Variants in PRR16 observed in about 807,000 individuals in gnomAD.
The protein encoded by PRR16 is proline rich 16.
PRR16 carries 6 observed loss-of-function variants against 18.2 expected under a neutral mutation model. The ratio of observed to expected loss-of-function variants is 0.33; its 90% CI spans 0.18 to 0.65. The LOEUF (loss-of-function observed/expected upper bound fraction) is 0.65, where lower values mean the gene tolerates loss of function less well. PRR16 is among the 30% of genes least tolerant of loss of function. The pLI, the probability that PRR16 is intolerant of heterozygous loss-of-function variation, is 0.74. For missense variants in PRR16, 412 were observed against 376.6 expected, an observed-to-expected ratio of 1.09 and a Z score of -0.78; for synonymous variants, 151 against 147.8, an observed-to-expected ratio of 1.02 and a Z score of -0.16.
intron 1 of PRR16, among the ~76,000 whole-genome samples, chr5:120,617,969 A>G (rs1754569954): frequency 6.6e-6 from 1 of 151,976 alleles, no homozygotes; most frequent in Admixed American, 6.6e-5. Flanking sequence ...TGGTCTCAGT[A>G]TTTTTCTGCA....
At chr5:120,526,894 A>G (rs1256640710) in intron 1 of PRR16, among the ~76,000 whole-genome samples, 1 of 152,082 alleles carries the variant, frequency 6.6e-6, no homozygotes, top group Non-Finnish European at 1.5e-5. Context: ...CAGCCCCTCC[A>G]TAAATGGTTT....
chr5:120,524,121 A>G (rs1453825187), intron 1 of PRR16, among the ~76,000 whole-genome samples: 1 of 152,162 alleles, frequency 6.6e-6, no homozygotes, highest in Non-Finnish European at 1.5e-5. Context: ...AAGTTTATGT[A>G]AACTCCTCAG....
chr5:120,544,182 C>A (rs891609395), intron 1 of PRR16, among the ~76,000 whole-genome samples: 11 of 152,074 alleles, frequency 7.2e-5, no homozygotes, highest in African/African-American at 2.7e-4. Context: ...CCCAGAGAAT[C>A]CATGCTCTTT....
At chr5:120,716,463 C>T in the PRR16 span, among the ~76,000 whole-genome samples, 44 of 152,214 alleles carry the variant, frequency 2.9e-4, no homozygotes, top group Middle Eastern at 3.4e-3. Context: ...TCTTTCCTAC[C>T]CCAGCTGTTT....
the PRR16 span, among the ~76,000 whole-genome samples, chr5:120,713,581 T>G: frequency 6.6e-6 from 1 of 152,182 alleles, no homozygotes; most frequent in Non-Finnish European, 1.5e-5. Flanking sequence ...ACTTGTGTGA[T>G]TAAACCATTC....
intron 1 of PRR16, among the ~76,000 whole-genome samples, chr5:120,465,025 C>T (rs999815621): frequency 1.2e-4 from 19 of 152,088 alleles, no homozygotes; most frequent in Admixed American, 1.2e-3. Flanking sequence ...CCTATTGCTT[C>T]CCCAGAGTCC....
chr5:120,630,356 T>C (rs758348512), intron 1 of PRR16, among the ~76,000 whole-genome samples: 5 of 152,118 alleles, frequency 3.3e-5, no homozygotes, highest in Non-Finnish European at 5.9e-5. Context: ...GGGCTGACTT[T>C]CCGGCACAGT....
chr5:120,722,062 C>T, the PRR16 span, among the ~76,000 whole-genome samples: 5 of 152,052 alleles, frequency 3.3e-5, no homozygotes, highest in East Asian at 9.8e-4. Flanking sequence ...TGTGGTGTTC[C>T]CCTCCCTGTT....
the PRR16 span, among the ~76,000 whole-genome samples, chr5:120,737,315 T>G: frequency 1.9e-4 from 13 of 67,202 alleles, no homozygotes; most frequent in Non-Finnish European, 3.4e-4. Context: ...GAGTTTTTTT[T>G]TTTTTTTTTT....
chr5:120,650,711 T>C (rs1268588348), intron 1 of PRR16, among the ~76,000 whole-genome samples: 4 of 152,182 alleles, frequency 2.6e-5, no homozygotes, highest in Non-Finnish European at 5.9e-5. Context: ...CCACGTTTTC[T>C]TAATCCAGTC....
At chr5:120,747,571 G>C in the PRR16 span, among the ~76,000 whole-genome samples, 1 of 152,126 alleles carries the variant, frequency 6.6e-6, no homozygotes, top group Non-Finnish European at 1.5e-5. Context: ...GCAACATTGT[G>C]TGTTAACTAA....
At chr5:120,736,596 A>T in the PRR16 span, among the ~76,000 whole-genome samples, 2 of 103,482 alleles carry the variant, frequency 1.9e-5, no homozygotes, top group Non-Finnish European at 3.9e-5. Flanking sequence ...TTTTATATGA[A>T]TTTTTAGAGT....
intron 1 of PRR16, among the ~76,000 whole-genome samples, chr5:120,507,005 T>A (rs1292728425): frequency 1.3e-5 from 2 of 152,124 alleles, no homozygotes; most frequent in Admixed American, 1.3e-4. Flanking sequence ...GAAGTAAATT[T>A]AATGTCTACT....
intron 1 of PRR16, among the ~76,000 whole-genome samples, chr5:120,491,287 A>AT (rs1369667652): frequency 1.3e-5 from 2 of 152,110 alleles, no homozygotes; most frequent in Admixed American, 1.3e-4. Context: ...CGGCCTTGAG[A>AT]TTAATTTTCT....
At chr5:120,665,501 C>T (rs1756338908) in intron 1 of PRR16, among the ~76,000 whole-genome samples, 1 of 152,148 alleles carries the variant, frequency 6.6e-6, no homozygotes, top group African/African-American at 2.4e-5. Flanking sequence ...GTTGCTGTTG[C>T]TTTTAGTGTT....
In PRR16 at chr5:120,526,524, T is replaced by C. The variant is rs73784575; in HGVS notation, c.159+61879T>C. Among the ~76,000 whole-genome samples the C allele has an allele frequency of 4.7e-3, 716 of 152,246 alleles. 6 individuals carry two copies. Among genetic ancestry groups the C allele is most frequent in the African/African-American group, 0.017 (688 of 41,544 alleles). On this transcript the variant is annotated intron_variant, in intron 1 of 1. Coordinates refer to ENST00000407149, the MANE Select transcript of PRR16 (RefSeq NM_001300783.2). Reference sequence around the variant, plus strand: ...TTCCCTCCTTCACTTACTCGTGTTATAGTGTATTACTGAGCTCAACTGTGT... The same window carrying C: ...TTCCCTCCTTCACTTACTCGTGTTACAGTGTATTACTGAGCTCAACTGTGT...
intron 1 of PRR16, among the ~76,000 whole-genome samples, chr5:120,542,755 T>C (rs1395400614): frequency 2.0e-5 from 3 of 152,168 alleles, no homozygotes; most frequent in South Asian, 2.1e-4. Flanking sequence ...CCTTGCAGTA[T>C]TGTGTAGCTG....
chr5:120,656,689 C>T (rs1755990278), intron 1 of PRR16, among the ~76,000 whole-genome samples: 1 of 151,774 alleles, frequency 6.6e-6, no homozygotes, highest in South Asian at 2.1e-4. Flanking sequence ...ATTTTTGTGT[C>T]TATTATAAAC....
intron 1 of PRR16, among the ~76,000 whole-genome samples, chr5:120,674,076 T>G (rs906816659): frequency 1.2e-4 from 19 of 152,264 alleles, no homozygotes; most frequent in African/African-American, 4.6e-4. Context: ...CTCTAAAATT[T>G]CAACTACTAT....
Sources: gnomAD v4.1 joint callset for allele counts (sites outside exome capture counted in the v4.1 genomes callset) on GRCh38, gnomAD v4.1.1 for gene constraint, MANE v1.5 for transcripts, NCBI Gene and HGNC (gene_info 2026-07-23, HGNC 2026-07-21) for gene names.